The following IL1RAPL1 variants were observed in gnomAD, a reference collection of about 807,000 sequenced individuals.
IL1RAPL1 encodes the protein interleukin 1 receptor accessory protein like 1, also known as interleukin-1 receptor accessory protein-like 1.
IL1RAPL1 carries 3 observed loss-of-function variants against 48.4 expected under a neutral mutation model. The ratio of observed to expected loss-of-function variants is 0.06; its 90% CI spans 0.03 to 0.16. IL1RAPL1 has a LOEUF of 0.16. Among genes scored for constraint, IL1RAPL1 ranks in the 10% least tolerant of loss-of-function variants. The pLI, the probability that IL1RAPL1 is intolerant of heterozygous loss-of-function variation, is 1.00. For missense variants in IL1RAPL1, 349 were observed against 530.6 expected (o/e 0.66, Z 3.36); for synonymous variants, 185 against 187.7 (o/e 0.99, Z 0.12).
intron 2 of IL1RAPL1, among the ~76,000 whole-genome samples, chrX:29,281,824 G>A (rs748376760): frequency 8.0e-5 from 9 of 112,027 alleles, no homozygotes; most frequent in Non-Finnish European, 1.3e-4. Context: ...TCAGGCTGCC[G>A]TAACAAAATA....
intron 6 of IL1RAPL1, among the ~76,000 whole-genome samples, chrX:29,906,144 G>C (rs1932610249): frequency 9.3e-6 from 1 of 108,001 alleles, no homozygotes; most frequent in African/African-American, 3.4e-5. Context: ...AGACCATCCT[G>C]GCTAACACGG....
intron 2 of IL1RAPL1, among the ~76,000 whole-genome samples, chrX:29,002,916 T>TACAC (rs371924976): frequency 0.05 from 5,140 of 102,907 alleles, 139 homozygotes; most frequent in African/African-American, 0.078. Context: ...GTTATGTGTG[T>TACAC]ACACACACAC....
intron 6 of IL1RAPL1, among the ~76,000 whole-genome samples, chrX:29,886,165 G>A (rs944154072): frequency 1.2e-4 from 13 of 111,946 alleles, no homozygotes; most frequent in Admixed American, 4.8e-4. Context: ...AAACAGTTAA[G>A]GTCAGTCGTA....
intron 2 of IL1RAPL1, among the ~76,000 whole-genome samples, chrX:28,939,226 T>C (rs933147979): frequency 6.3e-5 from 7 of 110,808 alleles, no homozygotes; most frequent in African/African-American, 2.3e-4. Context: ...TAAAGACACA[T>C]GCATGCATAT....
At chrX:29,534,676 AAG>A (rs1420240128) in intron 5 of IL1RAPL1, among the ~76,000 whole-genome samples, 3 of 110,506 alleles carry the variant, frequency 2.7e-5, no homozygotes, top group Admixed American at 9.6e-5. Context: ...CTCGACAAAA[AAG>A]AGAAATTAGG....
At chrX:29,306,823 T>G (rs1192112264) in intron 3 of IL1RAPL1, among the ~76,000 whole-genome samples, 1 of 88,479 alleles carries the variant, frequency 1.1e-5, no homozygotes, top group Non-Finnish European at 2.1e-5. Flanking sequence ...ATCATGCCAC[T>G]GCACTCCAGC....
intron 1 of IL1RAPL1, among the ~76,000 whole-genome samples, chrX:28,625,728 AT>A (rs1480171217): frequency 1.0e-5 from 1 of 96,896 alleles, no homozygotes; most frequent in Non-Finnish European, 2.1e-5. Context: ...AAAGGAGCTA[AT>A]CAAAATGCGT....
At chrX:28,927,947 A>G (rs948180498) in intron 2 of IL1RAPL1, among the ~76,000 whole-genome samples, 1 of 111,275 alleles carries the variant, frequency 9.0e-6, no homozygotes, top group African/African-American at 3.3e-5. Flanking sequence ...ATATGTTTTT[A>G]TATTTAATTC....
chrX:29,218,599 A>G (rs916715928), intron 2 of IL1RAPL1, among the ~76,000 whole-genome samples: 1 of 111,905 alleles, frequency 8.9e-6, no homozygotes, highest in African/African-American at 3.2e-5. Flanking sequence ...ACTGCTACCT[A>G]AAGATAAAGA....
chrX:29,467,494 C>T (rs1047113862), intron 5 of IL1RAPL1, among the ~76,000 whole-genome samples: 3 of 112,494 alleles, frequency 2.7e-5, no homozygotes, highest in Non-Finnish European at 5.6e-5. Flanking sequence ...GCCTGCAGCA[C>T]TCAAACCCCT....
intron 5 of IL1RAPL1, among the ~76,000 whole-genome samples, chrX:29,581,666 T>A (rs1042083778): frequency 2.7e-5 from 3 of 111,799 alleles, no homozygotes; most frequent in African/African-American, 9.8e-5. Flanking sequence ...TTTTTTTAAA[T>A]CTTCGAATTC....
intron 1 of IL1RAPL1, among the ~76,000 whole-genome samples, chrX:28,788,329 A>G (rs912939664): frequency 3.6e-5 from 4 of 111,932 alleles, no homozygotes; most frequent in African/African-American, 6.5e-5. Context: ...GAGGAAGACA[A>G]TGTTCGTTTA....
intron 1 of IL1RAPL1, among the ~76,000 whole-genome samples, chrX:28,786,668 A>G (rs1936478926): frequency 8.9e-6 from 1 of 111,891 alleles, no homozygotes; most frequent in Admixed American, 9.5e-5. Context: ...GCTCTTAACC[A>G]TTGTGATATG....
chrX:28,631,836 G>A (rs976460274), intron 1 of IL1RAPL1, among the ~76,000 whole-genome samples: 19 of 112,114 alleles, frequency 1.7e-4, no homozygotes, highest in East Asian at 2.8e-4. Context: ...TTTGTTTAAC[G>A]TTAAGTGGAA....
intron 2 of IL1RAPL1, among the ~76,000 whole-genome samples, chrX:29,100,820 A>G (rs1928319908): frequency 8.9e-6 from 1 of 112,068 alleles, no homozygotes; most frequent in African/African-American, 3.2e-5. Context: ...GTCAGGTTTA[A>G]GTTAGATAAC....
At chrX:29,953,018 T>C (rs184418804) in intron 9 of IL1RAPL1, among the ~76,000 whole-genome samples, 26 of 112,092 alleles carry the variant, frequency 2.3e-4, no homozygotes, top group African/African-American at 7.8e-4. Context: ...CATGTATATA[T>C]CTCAGGAAGT....
chrX:29,078,814 G>A (rs998275567), intron 2 of IL1RAPL1, among the ~76,000 whole-genome samples: 1 of 111,696 alleles, frequency 9.0e-6, no homozygotes, highest in African/African-American at 3.3e-5. Context: ...ATGTAAATAT[G>A]TGTAATTATG....
rs532628534 is a variant in IL1RAPL1 at position 29,054,940 on chromosome X, G to A, written c.83-227998G>A. 8.9e-5 allele frequency among the ~76,000 whole-genome samples: 10 copies of A among 112,066 alleles called. No individual in the cohort carries two copies. In the South Asian group the frequency reaches 3.3e-3, roughly 37 times the overall value. ...ATACTTGTTGAACAAATGGAAGAAT[G>A]ACTAAATGTGATTGAAAGGCAGACT... On this transcript the variant is annotated intron_variant, in intron 2 of 10. Coordinates refer to ENST00000378993, the MANE Select transcript of IL1RAPL1 (RefSeq NM_014271.4).
intron 1 of IL1RAPL1, among the ~76,000 whole-genome samples, chrX:28,764,953 G>A (rs1027262001): frequency 9.1e-6 from 1 of 110,497 alleles, no homozygotes; most frequent in African/African-American, 3.3e-5. Flanking sequence ...CACATATACA[G>A]CATGGAATAC....
Sources: allele counts gnomAD v4.1 joint callset (sites outside exome capture counted in the v4.1 genomes callset), GRCh38; gene constraint gnomAD v4.1.1; transcripts MANE v1.5; gene names NCBI Gene and HGNC (gene_info 2026-07-23, HGNC 2026-07-21).